Variants in MAML2 observed in about 807,000 individuals in gnomAD.
MAML2 encodes mastermind-like protein 2.
MAML2 carries 22 observed loss-of-function variants against 96.1 expected under a neutral mutation model. That is an observed-to-expected ratio of 0.23 (90% confidence interval 0.16 to 0.33). The LOEUF (loss-of-function observed/expected upper bound fraction) is 0.33, where lower values mean the gene tolerates loss of function less well. Ranked by LOEUF, MAML2 falls within the 10% of genes least tolerant of loss-of-function variation. The probability of loss-of-function intolerance (pLI) is 1.00; values close to 1 mark genes in which losing one functional copy is unlikely to be tolerated. For missense variants in MAML2, 1,367 were observed against 1,392.4 expected (o/e 0.98, Z 0.29); for synonymous variants, 561 against 521.3 (o/e 1.08, Z -1.04).
At chr11:96,211,316 C>G (rs1335911965) in intron 1 of MAML2, among the ~76,000 whole-genome samples, 1 of 151,820 alleles carries the variant, frequency 6.6e-6, no homozygotes, top group Non-Finnish European at 1.5e-5. Flanking sequence ...AAATATTTAA[C>G]TATAAACATT....
chr11:95,992,552 T>C (rs1026415598), intron 2 of MAML2, among the ~76,000 whole-genome samples: 1 of 152,222 alleles, frequency 6.6e-6, no homozygotes, highest in East Asian at 1.9e-4. Flanking sequence ...TCTACACTAG[T>C]ACACTAGTAG....
At chr11:96,255,494 C>G (rs1862651345) in intron 1 of MAML2, among the ~76,000 whole-genome samples, 1 of 152,234 alleles carries the variant, frequency 6.6e-6, no homozygotes, top group South Asian at 2.1e-4. Flanking sequence ...CTCTCACTTG[C>G]TGCCTCCATT....
intron 1 of MAML2, among the ~76,000 whole-genome samples, chr11:96,217,634 G>A (rs1862069988): frequency 6.6e-6 from 1 of 152,226 alleles, no homozygotes; most frequent in African/African-American, 2.4e-5. Flanking sequence ...GAAGCTTGTA[G>A]GAGTAGGTGA....
At chr11:96,129,007 T>C (rs533419938) in intron 1 of MAML2, among the ~76,000 whole-genome samples, 3 of 152,332 alleles carry the variant, frequency 2.0e-5, no homozygotes, top group African/African-American at 7.2e-5. Flanking sequence ...GCATTTTGCG[T>C]GCATGTATCT....
chr11:96,060,116 TTCATGTGGTAGAAGCTG>T (rs1859131903), intron 2 of MAML2, among the ~76,000 whole-genome samples: 1 of 152,158 alleles, frequency 6.6e-6, no homozygotes, highest in Non-Finnish European at 1.5e-5. Context: ...GAATAAGAGC[TTCATGTGGTAGAAGCTG>T]TTATGGTAAA....
chr11:96,269,576 A>G (rs1254122632), intron 1 of MAML2, among the ~76,000 whole-genome samples: 1 of 144,098 alleles, frequency 6.9e-6, no homozygotes, highest in African/African-American at 2.7e-5. Flanking sequence ...CAGTGGCACA[A>G]TCTCAGCTCA....
chr11:96,221,874 G>A (rs1862144471), intron 1 of MAML2, among the ~76,000 whole-genome samples: 1 of 152,136 alleles, frequency 6.6e-6, no homozygotes, highest in African/African-American at 2.4e-5. Context: ...TACAGCAGGA[G>A]CATGTGGAGT....
intron 1 of MAML2, among the ~76,000 whole-genome samples, chr11:96,100,672 G>A (rs1010912967): frequency 6.7e-6 from 1 of 150,142 alleles, no homozygotes; most frequent in African/African-American, 2.5e-5. Context: ...TAGAAAATTT[G>A]TTCCATAACT....
At chr11:96,143,565 C>T (rs750455304) in intron 1 of MAML2, among the ~76,000 whole-genome samples, 1 of 152,082 alleles carries the variant, frequency 6.6e-6, no homozygotes, top group Non-Finnish European at 1.5e-5. Context: ...CACTTTGGTC[C>T]GTGGGTTTCT....
chr11:95,979,872 C>T lies in MAML2; in HGVS notation c.2547G>A (p.Leu849=), dbSNP rs780884093. 5 of 1,613,774 alleles carry T rather than the reference C, an allele frequency of 3.1e-6. No individual in the cohort carries two copies. Among genetic ancestry groups the T allele is most frequent in the Non-Finnish European group, 4.2e-6 (5 of 1,179,868 alleles). Residue 849 remains leucine (L), a synonymous_variant, in exon 5 of 5, where the codon CTG becomes CTA. Transcript: ENST00000524717. ...GCATTCTTGTCCCGTGAGAAGTAGACAGGAGGCTGGAATTGGGAGTTAAAA... is the reference window on the plus strand; with the variant it reads ...GCATTCTTGTCCCGTGAGAAGTAGATAGGAGGCTGGAATTGGGAGTTAAAA... ...HTILTPNSSL[L]STSHGTRMPS...
chr11:96,184,873 C>T (rs369266905), intron 1 of MAML2, among the ~76,000 whole-genome samples: 69 of 152,214 alleles, frequency 4.5e-4, no homozygotes, highest in African/African-American at 1.6e-3. Context: ...GGATTACAGG[C>T]GTGAGCCACT....
rs916786771 is a variant in MAML2, at chr11:96,039,364, G to A, written c.2140-47641C>T. ...AGAGGAGAGAGGAGACAGGAGAGGGGAGGGGGATAAGGGAGAGGGGAGGAG... is the reference window on the plus strand; with the variant it reads ...AGAGGAGAGAGGAGACAGGAGAGGGAAGGGGGATAAGGGAGAGGGGAGGAG... On this transcript the variant is annotated intron_variant, in intron 2 of 4. Coordinates refer to ENST00000524717, the MANE Select transcript of MAML2 (RefSeq NM_032427.4). 3.5e-5 allele frequency among the ~76,000 whole-genome samples: 5 copies of A among 141,008 alleles called. 1 individual carries two copies. Among genetic ancestry groups the A allele is most frequent in the Admixed American group, 3.5e-4 (5 of 14,176 alleles). The allele number at this position is 141,008 out of a possible 152,430, so 92.5% of individuals were successfully genotyped here. A position where few individuals can be genotyped will look rare whatever the true frequency, so the allele number is the denominator to read the frequency against.
intron 1 of MAML2, among the ~76,000 whole-genome samples, chr11:96,240,236 C>T (rs913178661): frequency 2.6e-5 from 4 of 152,012 alleles, no homozygotes; most frequent in African/African-American, 9.7e-5. Flanking sequence ...TCCTGACATA[C>T]AAAAAATAGA....
intron 1 of MAML2, among the ~76,000 whole-genome samples, chr11:96,198,124 A>G (rs1474489749): frequency 6.6e-6 from 1 of 152,236 alleles, no homozygotes; most frequent in African/African-American, 2.4e-5. Context: ...CAATGGGGAT[A>G]TGGAGAATGG....
chr11:96,120,067 C>T (rs1312262385), intron 1 of MAML2, among the ~76,000 whole-genome samples: 1 of 149,914 alleles, frequency 6.7e-6, no homozygotes, highest in Non-Finnish European at 1.5e-5. Context: ...ACGCCATTCT[C>T]CTGCCTCAGC....
chr11:96,099,657 A>T (rs1177451896), intron 1 of MAML2, among the ~76,000 whole-genome samples: 1 of 152,134 alleles, frequency 6.6e-6, no homozygotes, highest in South Asian at 2.1e-4. Context: ...CCTTCTAACT[A>T]TTGAGTGGGA....
chr11:96,197,122 C>T (rs1861744576), intron 1 of MAML2, among the ~76,000 whole-genome samples: 1 of 152,156 alleles, frequency 6.6e-6, no homozygotes. Flanking sequence ...AAAGCTACTC[C>T]TGTACAAATG....
intron 1 of MAML2, among the ~76,000 whole-genome samples, chr11:96,176,874 C>T (rs948357236): frequency 6.6e-6 from 1 of 152,084 alleles, no homozygotes; most frequent in African/African-American, 2.4e-5. Flanking sequence ...AAAGAATTTT[C>T]CTGATCGGCA....
chr11:96,062,522 A>G lies in MAML2; in HGVS notation c.2139+29370T>C, dbSNP rs78649780. Reference sequence around the variant, plus strand: ...ACAGAATGTGGATTTTAGGGGCTACAATAAGGGTGGCAGAGTTTTCTCTCA... The same window carrying G: ...ACAGAATGTGGATTTTAGGGGCTACGATAAGGGTGGCAGAGTTTTCTCTCA... On this transcript the variant is annotated intron_variant, in intron 2 of 4. Coordinates refer to ENST00000524717, the MANE Select transcript of MAML2 (RefSeq NM_032427.4). 3.9e-3 allele frequency among the ~76,000 whole-genome samples: 588 copies of G among 152,352 alleles called. 7 individuals are homozygous for G. Among genetic ancestry groups the G allele is most frequent in the African/African-American group, 0.014 (568 of 41,576 alleles).
Sources: allele counts gnomAD v4.1 joint callset (sites outside exome capture counted in the v4.1 genomes callset), GRCh38; gene constraint gnomAD v4.1.1; transcripts MANE v1.5; gene names NCBI Gene and HGNC (gene_info 2026-07-23, HGNC 2026-07-21).